GALNTL6: variants seen among roughly 807,000 people sequenced by gnomAD.
GALNTL6 encodes polypeptide N-acetylgalactosaminyltransferase like 6, also known as polypeptide N-acetylgalactosaminyltransferase-like 6.
GALNTL6 carries 46 observed loss-of-function variants against 73.7 expected under a neutral mutation model. That is an observed-to-expected ratio of 0.62 (90% CI 0.49 to 0.80). The LOEUF (loss-of-function observed/expected upper bound fraction) is 0.80, where lower values mean the gene tolerates loss of function less well. Ranked by LOEUF, GALNTL6 falls within the 30% of genes least tolerant of loss-of-function variation. The pLI is 0.00. For synonymous variants in GALNTL6, 259 were observed against 263.7 expected (o/e 0.98, Z 0.17); for missense variants, 604 against 755.0 (o/e 0.80, Z 2.34).
chr4:171,946,566 G>A (rs569321265), intron 2 of GALNTL6, among the ~76,000 whole-genome samples: 3 of 152,290 alleles, frequency 2.0e-5, no homozygotes, highest in East Asian at 1.9e-4. Flanking sequence ...CATCGAGCTC[G>A]TCTTCTCATG....
At chr4:172,967,502 T>G (rs1245353215) in intron 10 of GALNTL6, among the ~76,000 whole-genome samples, 3 of 152,174 alleles carry the variant, frequency 2.0e-5, no homozygotes, top group Non-Finnish European at 2.9e-5. Flanking sequence ...CTTTTTTTTT[T>G]GTCAGAATTG....
At chr4:171,858,428 G>A (rs1735746686) in intron 2 of GALNTL6, among the ~76,000 whole-genome samples, 1 of 150,170 alleles carries the variant, frequency 6.7e-6, no homozygotes, top group Non-Finnish European at 1.5e-5. Flanking sequence ...GGGAAGAAAT[G>A]GGCAAACAAA....
At chr4:172,995,819 T>C (rs1318851703) in intron 10 of GALNTL6, among the ~76,000 whole-genome samples, 1 of 152,234 alleles carries the variant, frequency 6.6e-6, no homozygotes, top group African/African-American at 2.4e-5. Flanking sequence ...ATAACAAATA[T>C]TTGAATAACT....
intron 2 of GALNTL6, among the ~76,000 whole-genome samples, chr4:172,219,751 A>C (rs1028146077): frequency 2.6e-5 from 4 of 151,880 alleles, no homozygotes; most frequent in African/African-American, 9.7e-5. Context: ...ACATTTTATC[A>C]TTTGGTATTC....
At position 172,847,358 on chromosome 4, in the gene GALNTL6, A is replaced by G. The variant is rs374751155; in HGVS notation, c.923+33635A>G. On this transcript the variant is annotated intron_variant, in intron 7 of 12. Transcript: ENST00000506823. ...ATTCCATTATAGAGCCCTCTTTTTA[A>G]AATTCATATTTTCATATTTCTTCCA... Among the ~76,000 whole-genome samples, 221 of 152,240 alleles carry G rather than the reference A, an allele frequency of 1.5e-3. 2 individuals carry two copies. Among genetic ancestry groups the G allele is most frequent in the South Asian group, 0.012 (60 of 4,818 alleles).
Position 171,900,250 on chromosome 4 carries a change from C to T in GALNTL6, c.138+85532C>T, listed in dbSNP as rs752844753. ...AATTTTTTCATGAATACACAATTCA[C>T]GCTAAAACTTTCACATATTTGAAAT... On this transcript the variant is annotated intron_variant, in intron 2 of 12. Coordinates refer to ENST00000506823, the MANE Select transcript of GALNTL6 (RefSeq NM_001034845.3). 1.1e-4 allele frequency among the ~76,000 whole-genome samples: 16 copies of T among 152,046 alleles called. No homozygotes were observed. In the South Asian group the frequency reaches 1.7e-3, roughly 16 times the overall value.
intron 8 of GALNTL6, among the ~76,000 whole-genome samples, chr4:172,894,883 A>G (rs535837114): frequency 2.3e-4 from 35 of 150,010 alleles, no homozygotes; most frequent in African/African-American, 6.3e-4. Flanking sequence ...GTGCACATGT[A>G]TTTATAATTG....
At chr4:173,036,520 G>A (rs1451306461) in intron 12 of GALNTL6, among the ~76,000 whole-genome samples, 1 of 152,174 alleles carries the variant, frequency 6.6e-6, no homozygotes, top group Non-Finnish European at 1.5e-5. Context: ...ATTGAGCATT[G>A]ATTAGGAAGT....
In GALNTL6 at chr4:173,026,455, A is replaced by G. The variant is rs1271345743; in HGVS notation, c.1638+4830A>G. On this transcript the variant is annotated intron_variant, in intron 12 of 12. Coordinates refer to ENST00000506823, the MANE Select transcript of GALNTL6 (RefSeq NM_001034845.3). The stretch of plus-strand genomic sequence containing the variant: ...GACAGAACCATTCTTAAGGCCGGAG[A>G]AAGTCCTTAAGCAGAGAGATGCAGT... 2.6e-5 allele frequency among the ~76,000 whole-genome samples: 4 copies of G among 152,176 alleles called. No homozygotes were observed. The East Asian group carries it at 5.8e-4, about 22-fold the overall frequency.
At chr4:173,013,545 C>T (rs1470555843) in intron 11 of GALNTL6, among the ~76,000 whole-genome samples, 1 of 151,824 alleles carries the variant, frequency 6.6e-6, no homozygotes, top group African/African-American at 2.4e-5. Context: ...GTTCACTCCC[C>T]GCACCCCCCA....
At chr4:172,279,882 A>G (rs976546120) in intron 3 of GALNTL6, among the ~76,000 whole-genome samples, 2 of 152,180 alleles carry the variant, frequency 1.3e-5, no homozygotes, top group Non-Finnish European at 2.9e-5. Flanking sequence ...CACACAATAG[A>G]ATACTATTCA....
chr4:172,591,449 T>G (rs1737633368), intron 5 of GALNTL6, among the ~76,000 whole-genome samples: 1 of 152,230 alleles, frequency 6.6e-6, no homozygotes, highest in African/African-American at 2.4e-5. Context: ...TTTAAAGTAT[T>G]GTTCTACCTA....
chr4:172,468,606 A>G (rs997558491), intron 5 of GALNTL6, among the ~76,000 whole-genome samples: 1 of 152,216 alleles, frequency 6.6e-6, no homozygotes, highest in Middle Eastern at 3.2e-3. Flanking sequence ...ATTTTATAGA[A>G]ATGTCTCCTC....
At chr4:172,682,952 TC>T (rs1463842534) in intron 5 of GALNTL6, among the ~76,000 whole-genome samples, 2 of 152,216 alleles carry the variant, frequency 1.3e-5, no homozygotes, top group Non-Finnish European at 2.9e-5. Flanking sequence ...ATTGTCTCAA[TC>T]TTTATAACAC....
chr4:172,212,829 G>A (rs1029091475), intron 2 of GALNTL6, among the ~76,000 whole-genome samples: 36 of 151,954 alleles, frequency 2.4e-4, no homozygotes, highest in African/African-American at 7.7e-4. Flanking sequence ...CACCACGCCC[G>A]GCTAATTTTT....
At chr4:172,243,322 T>C (rs1312975529) in intron 3 of GALNTL6, among the ~76,000 whole-genome samples, 4 of 152,210 alleles carry the variant, frequency 2.6e-5, no homozygotes, top group Non-Finnish European at 4.4e-5. Context: ...TGGATGTAAT[T>C]ACTTTTATTC....
At chr4:172,680,587 A>G (rs1732581333) in intron 5 of GALNTL6, among the ~76,000 whole-genome samples, 1 of 152,026 alleles carries the variant, frequency 6.6e-6, no homozygotes, top group East Asian at 1.9e-4. Flanking sequence ...CTTTTTTGCC[A>G]TTTGTCATCT....
intron 5 of GALNTL6, among the ~76,000 whole-genome samples, chr4:172,629,440 TATTA>T (rs1056380623): frequency 8.5e-5 from 13 of 152,190 alleles, no homozygotes; most frequent in African/African-American, 3.1e-4. Context: ...ATTATGAAAT[TATTA>T]ATTATTAATA....
intron 5 of GALNTL6, among the ~76,000 whole-genome samples, chr4:172,397,450 T>C (rs1743887177): frequency 6.6e-6 from 1 of 152,188 alleles, no homozygotes; most frequent in Non-Finnish European, 1.5e-5. Context: ...CAAGGACCTT[T>C]TGAGTTGAGT....
Sources: gnomAD v4.1 joint callset for allele counts (sites outside exome capture counted in the v4.1 genomes callset) on GRCh38, gnomAD v4.1.1 for gene constraint, MANE v1.5 for transcripts, NCBI Gene and HGNC (gene_info 2026-07-23, HGNC 2026-07-21) for gene names.